The following PFKFB3 variants were observed in gnomAD, a reference collection of about 807,000 sequenced individuals.
The protein encoded by PFKFB3 is 6-phosphofructo-2-kinase/fructose-2,6-biphosphatase 3.
Under a neutral mutation model 68.0 loss-of-function variants are expected in PFKFB3, and 33 were observed. That is an observed-to-expected ratio of 0.49 (90% confidence interval 0.37 to 0.65). The LOEUF (loss-of-function observed/expected upper bound fraction) is 0.65. Among genes scored for constraint, PFKFB3 ranks in the 30% least tolerant of loss-of-function variants. The pLI is 0.00. For synonymous variants in PFKFB3, 315 were observed against 288.2 expected (o/e 1.09, Z -0.94); for missense variants, 586 against 712.2 (o/e 0.82, Z 2.02).
Position 6,232,985 on chromosome 10 carries a change from A to G in PFKFB3, c.*43A>G. 1 of 1,525,248 alleles carries G rather than the reference A, an allele frequency of 6.6e-7. No homozygotes were observed. Among genetic ancestry groups the G allele is most frequent in the Non-Finnish European group, 9.1e-7 (1 of 1,099,442 alleles). 94.5% of individuals were successfully genotyped at this position (1,525,248 alleles called of 1,614,324 possible). ...CATTCCATTTCCATTTCTGCAGCTT[A>G]GCTTGTGTCCTGCCCTCCGCCCGAG... is the stretch of plus-strand genomic sequence containing the variant. On this transcript the variant is annotated 3_prime_UTR_variant, in exon 15 of 15. Transcript: ENST00000379775.
rs373590945 is a variant in PFKFB3, at chr10:6,215,148, TCCTATGGTC to T, written c.203-70_203-62del. 5.3e-6 allele frequency: 7 copies of T among 1,319,962 alleles called. No individual in the cohort carries two copies. In the African/African-American group the frequency reaches 7.2e-5, roughly 14 times the overall value. 81.8% of individuals were successfully genotyped at this position (1,319,962 alleles called of 1,614,324 possible). ...GCCTGGTGGCTCTTCCTTTGGTCGA[TCCTATGGTC>T]CCGGTGTGAGCTGGCCCCTTCCTCC... On this transcript the variant is annotated intron_variant, in intron 2 of 14. Coordinates refer to ENST00000379775, the MANE Select transcript of PFKFB3 (RefSeq NM_004566.4). The surrounding 1 kb of genome is among the most constrained non-coding windows in gnomAD (Gnocchi z 4.3).
Position 6,215,095 on chromosome 10 carries a change from C to A in PFKFB3, c.203-126C>A. On this transcript the variant is annotated intron_variant, in intron 2 of 14. Transcript: ENST00000379775. The surrounding 1 kb of genome is among the most constrained non-coding windows in gnomAD (Gnocchi z 4.3). The stretch of plus-strand genomic sequence containing the variant: ...GGACTGGGCGCCGGCATTGCTTCCA[C>A]ACCATCTCATTCAAGTCGGTGTGGT... The A allele has an allele frequency of 1.3e-6, 1 of 743,414 alleles. No individual in the cohort carries two copies. Among genetic ancestry groups the A allele is most frequent in the South Asian group, 1.6e-5 (1 of 62,200 alleles). 46.1% of individuals were successfully genotyped at this position (743,414 alleles called of 1,614,324 possible).
At chr10:6,254,096 GCT>G (rs1491295713) in intron 14 of PFKFB3, 3 of 319,202 alleles carry the variant, frequency 9.4e-6, no homozygotes, top group Non-Finnish European at 1.6e-5. Flanking sequence ...CTTTCAGATG[GCT>G]TTTTTTTTTT....
the PFKFB3 span, among the ~76,000 whole-genome samples, chr10:6,285,141 A>C: frequency 5.9e-5 from 9 of 152,274 alleles, no homozygotes; most frequent in African/African-American, 2.2e-4. Context: ...TTTTATGTCT[A>C]AGGTTTTGAG....
At chr10:6,314,738 C>G in the PFKFB3 span, among the ~76,000 whole-genome samples, 1 of 152,102 alleles carries the variant, frequency 6.6e-6, no homozygotes, top group Non-Finnish European at 1.5e-5. Flanking sequence ...GGGGAATGGC[C>G]GGGTCGAAGG....
intron 1 of PFKFB3, among the ~76,000 whole-genome samples, chr10:6,207,456 C>T (rs921387905): frequency 1.3e-5 from 2 of 152,064 alleles, no homozygotes; most frequent in Non-Finnish European, 2.9e-5. Context: ...GGAGCTGGAG[C>T]TTAAAAAAAT....
chr10:6,326,574 C>T, the PFKFB3 span: 7 of 455,802 alleles, frequency 1.5e-5, no homozygotes, highest in African/African-American at 4.0e-5. Flanking sequence ...GGAGCTCCAC[C>T]GTGACTCTCC....
Position 6,228,132 on chromosome 10 carries a change from G to C in PFKFB3, c.1515+1767G>C. ...CTGGGCCGGCGTGGGGTTTTTCAGGGCTTCGTCCCTGCAGATTGCGCCCTG... is the reference window on the plus strand; with the variant it reads ...CTGGGCCGGCGTGGGGTTTTTCAGGCCTTCGTCCCTGCAGATTGCGCCCTG... On this transcript the variant is annotated intron_variant, in intron 14 of 14. Coordinates refer to ENST00000379775, the MANE Select transcript of PFKFB3 (RefSeq NM_004566.4). This position sits in a 1 kb window ranked among gnomAD's most constrained non-coding sequence, Gnocchi z 4.5. 6.3e-7 allele frequency: 1 copy of C among 1,599,336 alleles called. No individual in the cohort carries two copies. The highest frequency in any genetic ancestry group is 1.7e-5 in the Admixed American group (1 of 59,980).
intron 1 of PFKFB3, among the ~76,000 whole-genome samples, chr10:6,152,601 G>T (rs191841900): frequency 2.0e-5 from 3 of 152,320 alleles, no homozygotes; most frequent in African/African-American, 7.2e-5. Flanking sequence ...TGTATGCCAG[G>T]TGCAGTGGCA....
intron 1 of PFKFB3, among the ~76,000 whole-genome samples, chr10:6,205,388 CTT>C (rs3084014): frequency 0.013 from 1,373 of 106,348 alleles, 4 homozygotes; most frequent in Non-Finnish European, 0.016. Flanking sequence ...TTCTTTCTTC[CTT>C]TTTTTTTTTT....
At chr10:6,231,635 A>G (rs1845749330) in intron 14 of PFKFB3, 1 of 963,344 alleles carries the variant, frequency 1.0e-6, no homozygotes, top group Non-Finnish European at 1.2e-6. Context: ...ATGCGGAGGG[A>G]AATGTCAGCC....
downstream of PFKFB3, among the ~76,000 whole-genome samples, chr10:6,236,557 C>T (rs572089608): frequency 8.7e-4 from 133 of 152,324 alleles, no homozygotes; most frequent in Middle Eastern, 3.4e-3. Flanking sequence ...ACCTCTGTTG[C>T]GAGATGACTC....
At chr10:6,267,057 A>T in the PFKFB3 span, among the ~76,000 whole-genome samples, 1 of 152,220 alleles carries the variant, frequency 6.6e-6, no homozygotes, top group Non-Finnish European at 1.5e-5. Context: ...TTGCTATTTA[A>T]TGTTATTCAA....
At chr10:6,202,771 C>G (rs1431970179), upstream of PFKFB3, 4 of 617,952 alleles carry the variant, frequency 6.5e-6, no homozygotes, top group Non-Finnish European at 8.2e-6. Flanking sequence ...CCGCCGTCGC[C>G]GGCCCGCAGG....
At chr10:6,274,716 A>T in the PFKFB3 span, among the ~76,000 whole-genome samples, 1 of 152,238 alleles carries the variant, frequency 6.6e-6, no homozygotes, top group Middle Eastern at 3.4e-3. Flanking sequence ...ACACGCCTAT[A>T]GTCCGAGCAA....
At chr10:6,300,152 T>G in the PFKFB3 span, among the ~76,000 whole-genome samples, 1 of 152,042 alleles carries the variant, frequency 6.6e-6, no homozygotes, top group Non-Finnish European at 1.5e-5. Flanking sequence ...TGTTTGTCTC[T>G]TCGGGCGAGA....
chr10:6,314,495 C>T, the PFKFB3 span, among the ~76,000 whole-genome samples: 5 of 152,162 alleles, frequency 3.3e-5, no homozygotes, highest in Non-Finnish European at 5.9e-5. Flanking sequence ...CTCCTAATAA[C>T]GTATCATGGC....
At chr10:6,303,686 G>A in the PFKFB3 span, among the ~76,000 whole-genome samples, 1 of 151,552 alleles carries the variant, frequency 6.6e-6, no homozygotes, top group African/African-American at 2.4e-5. Context: ...GGTGGCAGGC[G>A]CTACTCGGGA....
chr10:6,317,617 T>C, the PFKFB3 span, among the ~76,000 whole-genome samples: 1 of 152,244 alleles, frequency 6.6e-6, no homozygotes, highest in East Asian at 1.9e-4. Flanking sequence ...AGGCATTGGA[T>C]GGGCTATCGT....
Sources: allele counts gnomAD v4.1 joint callset (sites outside exome capture counted in the v4.1 genomes callset), GRCh38; gene constraint gnomAD v4.1.1; non-coding constraint Gnocchi (gnomAD v3.1); transcripts MANE v1.5; gene names NCBI Gene and HGNC (gene_info 2026-07-23, HGNC 2026-07-21).